Variants in ODAD2 observed in about 807,000 individuals in gnomAD.
ODAD2 encodes the protein outer dynein arm docking complex subunit 2.
Under a neutral mutation model 106.8 loss-of-function variants are expected in ODAD2, and 89 were observed. The observed-to-expected ratio is 0.83, with a 90% CI of 0.70 to 0.99. The LOEUF (loss-of-function observed/expected upper bound fraction) is 0.99. ODAD2 is among the 50% of genes least tolerant of loss of function. ODAD2 has a pLI of 0.00. For synonymous variants in ODAD2, 404 were observed against 436.2 expected (o/e 0.93, Z 0.92); for missense variants, 1,168 against 1,238.5 (o/e 0.94, Z 0.85).
At position 27,812,386 on chromosome 10, in the gene ODAD2, T is replaced by G; in HGVS notation, c.*126A>C. 1.3e-6 allele frequency: 1 copy of G among 783,688 alleles called. No homozygotes were observed. The allele number at this position is 783,688 out of a possible 1,614,324, so 48.5% of individuals were successfully genotyped here. The stretch of plus-strand genomic sequence containing the variant: ...AAACATTCTGTGCATTTTCAATTTG[T>G]GTGTTTTCATTTAGATGGTTGAAAG... On this transcript the variant is annotated 3_prime_UTR_variant, in exon 20 of 20. Transcript: ENST00000305242.
chr10:27,983,442 T>G (rs897765259), intron 6 of ODAD2, among the ~76,000 whole-genome samples: 3 of 152,174 alleles, frequency 2.0e-5, no homozygotes, highest in Non-Finnish European at 4.4e-5. Flanking sequence ...CTTCTACATT[T>G]AGATAAGCCC....
At chr10:27,868,066 C>A (rs1308702300) in intron 17 of ODAD2, among the ~76,000 whole-genome samples, 1 of 151,762 alleles carries the variant, frequency 6.6e-6, no homozygotes, top group Non-Finnish European at 1.5e-5. Context: ...ATGCGGCCAA[C>A]AAACATGAAA....
chr10:27,812,777 A>G, intron 19 of ODAD2, 152 bp from the exon 20 acceptor site: 1 of 1,215,134 alleles, frequency 8.2e-7, no homozygotes, highest in Non-Finnish European at 1.1e-6. Flanking sequence ...ATACGAATAT[A>G]AACAGTGTTT....
intron 19 of ODAD2, among the ~76,000 whole-genome samples, chr10:27,855,748 C>T (rs1839610012): frequency 6.6e-6 from 1 of 152,166 alleles, no homozygotes; most frequent in African/African-American, 2.4e-5. Context: ...AGGCAGCTAG[C>T]CTGTTGGCTG....
At chr10:27,833,563 A>G (rs1242823147) in intron 19 of ODAD2, among the ~76,000 whole-genome samples, 2 of 152,194 alleles carry the variant, frequency 1.3e-5, no homozygotes, top group Non-Finnish European at 2.9e-5. Flanking sequence ...ATCTCTCCTC[A>G]AATACTTTTT....
At chr10:27,899,681 G>A (rs1435593594) in intron 17 of ODAD2, among the ~76,000 whole-genome samples, 2 of 151,964 alleles carry the variant, frequency 1.3e-5, no homozygotes, top group African/African-American at 2.4e-5. Flanking sequence ...CCCTCACAGT[G>A]TAAACAAAGC....
At chr10:27,872,977 C>A (rs1159709122) in intron 17 of ODAD2, among the ~76,000 whole-genome samples, 1 of 152,062 alleles carries the variant, frequency 6.6e-6, no homozygotes. Flanking sequence ...CTATGAATCC[C>A]TCTGATCCTG....
chr10:27,817,840 T>A (rs555661527), intron 19 of ODAD2, among the ~76,000 whole-genome samples: 1 of 152,214 alleles, frequency 6.6e-6, no homozygotes, highest in Admixed American at 6.5e-5. Context: ...TCTTTCCCTT[T>A]AGGTATATAT....
intron 7 of ODAD2, among the ~76,000 whole-genome samples, chr10:27,976,095 A>T (rs569760489): frequency 1.4e-4 from 21 of 152,254 alleles, no homozygotes; most frequent in African/African-American, 4.6e-4. Context: ...TCCAACATTC[A>T]TTCCTAATAA....
intron 17 of ODAD2, among the ~76,000 whole-genome samples, chr10:27,900,838 T>C (rs936336511): frequency 2.6e-5 from 4 of 152,164 alleles, no homozygotes; most frequent in Non-Finnish European, 4.4e-5. Context: ...CTACTTTTGA[T>C]TGGTGTACCT....
At chr10:27,995,562 T>G (rs1850511391) in intron 1 of ODAD2, 1 of 166,422 alleles carries the variant, frequency 6.0e-6, no homozygotes, top group African/African-American at 2.4e-5. Flanking sequence ...AGCCAGCAGT[T>G]TCAGGGACAA....
intron 10 of ODAD2, among the ~76,000 whole-genome samples, chr10:27,945,413 C>A (rs1213488696): frequency 6.6e-6 from 1 of 152,180 alleles, no homozygotes; most frequent in East Asian, 1.9e-4. Context: ...AGCAGCACCG[C>A]AATCCATACT....
intron 17 of ODAD2, among the ~76,000 whole-genome samples, chr10:27,871,187 C>G (rs1246490365): frequency 6.6e-6 from 1 of 152,032 alleles, no homozygotes; most frequent in East Asian, 1.9e-4. Flanking sequence ...CCTTTGTTCA[C>G]TTTTTGATGG....
rs185028412 is a variant in ODAD2 at position 27,916,040 on chromosome 10, T to C, written c.2496-8263A>G. On this transcript the variant is annotated intron_variant, in intron 16 of 19. Coordinates refer to ENST00000305242, the MANE Select transcript of ODAD2 (RefSeq NM_018076.5). ...CAGTCACAAGATATTAGAACCTAAATAGAGTGATTGAAGCAATCTTTAGTG... is the reference window on the plus strand; with the variant it reads ...CAGTCACAAGATATTAGAACCTAAACAGAGTGATTGAAGCAATCTTTAGTG... Among the ~76,000 whole-genome samples, 457 of 152,126 alleles carry C rather than the reference T, an allele frequency of 3.0e-3. 2 individuals carry two copies. Among genetic ancestry groups the C allele is most frequent in the Non-Finnish European group, 4.9e-3 (334 of 67,980 alleles).
intron 3 of ODAD2, among the ~76,000 whole-genome samples, chr10:27,986,332 C>G (rs1341515454): frequency 6.6e-6 from 1 of 152,038 alleles, no homozygotes; most frequent in African/African-American, 2.4e-5. Flanking sequence ...AAGGGTTATA[C>G]CAAAATTCTT....
chr10:27,832,295 G>C (rs750820541), intron 19 of ODAD2, among the ~76,000 whole-genome samples: 3 of 152,150 alleles, frequency 2.0e-5, no homozygotes, highest in Non-Finnish European at 4.4e-5. Context: ...TCTCTGGTTT[G>C]ATGTTTCTCA....
rs147121116 is a variant in ODAD2 at position 27,815,704 on chromosome 10, A to T, written c.3022-3079T>A. On this transcript the variant is annotated intron_variant, in intron 19 of 19. Coordinates refer to ENST00000305242, the MANE Select transcript of ODAD2 (RefSeq NM_018076.5). ...GCTCTGTCTGCTTCCCCCAAACAAA[A>T]ATTGTTAGAGTTCATCAGAACAAAT... Among the ~76,000 whole-genome samples the T allele has an allele frequency of 4.9e-3, 743 of 152,224 alleles. 8 individuals carry two copies. The highest frequency in any genetic ancestry group is 0.017 in the African/African-American group (688 of 41,550).
chr10:27,878,293 A>G (rs1348410424), intron 17 of ODAD2, among the ~76,000 whole-genome samples: 1 of 152,246 alleles, frequency 6.6e-6, no homozygotes, highest in Non-Finnish European at 1.5e-5. Flanking sequence ...AAGATGAAAA[A>G]TATAAAACAG....
At chr10:27,999,315 C>T (rs1033504922), upstream of ODAD2, among the ~76,000 whole-genome samples, 1 of 152,092 alleles carries the variant, frequency 6.6e-6, no homozygotes, top group African/African-American at 2.4e-5. Flanking sequence ...AGAAAATATT[C>T]CTTAGAAACC....
Sources: allele counts gnomAD v4.1 joint callset (sites outside exome capture counted in the v4.1 genomes callset), GRCh38; gene constraint gnomAD v4.1.1; transcripts MANE v1.5; gene names NCBI Gene and HGNC (gene_info 2026-07-23, HGNC 2026-07-21).